The following CDC45 variants were observed in gnomAD, a reference collection of about 807,000 sequenced individuals.
CDC45 encodes the protein cell division cycle 45.
CDC45 carries 54 observed loss-of-function variants against 77.8 expected under a neutral mutation model. The observed-to-expected ratio is 0.69, with a 90% confidence interval of 0.56 to 0.87. The LOEUF is 0.87. CDC45 is among the 40% of genes least tolerant of loss of function. CDC45 has a pLI of 0.00. For missense variants in CDC45, 649 were observed against 721.6 expected (o/e 0.90, Z 1.15); for synonymous variants, 260 against 272.1 (o/e 0.96, Z 0.44).
At position 19,505,468 on chromosome 22, in the gene CDC45, T is replaced by G. The variant is rs1933116255; in HGVS notation, c.811T>G (p.Ser271Ala). The G allele has an allele frequency of 2.5e-6, 4 of 1,614,004 alleles. No homozygotes were observed. Among genetic ancestry groups the G allele is most frequent in the Non-Finnish European group, 3.4e-6 (4 of 1,179,922 alleles). ...ACTCTCCGTGGACTGCACACGGATC[T>G]CCTTTGAGTATGAGTATCCTTGTGG... The part of the protein sequence containing the change: ...NTLSVDCTRI[S>A]FEYDLRLVLY... Residue 271 changes from serine to alanine, a missense_variant, in exon 10 of 19, where the codon TCC becomes GCC. By Grantham distance (99) the Ser-to-Ala change is moderately conservative. Transcript: ENST00000263201.
At position 19,505,574 on chromosome 22, in the gene CDC45, C is replaced by A. The variant is rs1414176922; in HGVS notation, c.824+93C>A. ...CACCCTCTGTGGGTTCTGGCCACATCCCCAGGAGGGAAAGCAGGTGGGGCA... is the reference window on the plus strand; with the variant it reads ...CACCCTCTGTGGGTTCTGGCCACATACCCAGGAGGGAAAGCAGGTGGGGCA... On this transcript the variant is annotated intron_variant, in intron 10 of 18. Coordinates refer to ENST00000263201, the MANE Select transcript of CDC45 (RefSeq NM_003504.5). 1.2e-5 allele frequency: 17 copies of A among 1,414,762 alleles called. No homozygotes were observed. The East Asian group carries it at 3.4e-4, about 29-fold the overall frequency. 87.6% of individuals were successfully genotyped at this position (1,414,762 alleles called of 1,614,324 possible).
Position 19,483,975 on chromosome 22 carries a change from G to T in CDC45, c.456G>T (p.Glu152Asp). ...CAGGAAATGACAGTGATGGGTCAGA[G>T]CCTTCTGAGAAGCGCACACGGTTAG... is the stretch of plus-strand genomic sequence containing the variant. ...EHSGNDSDGSEPSEKRTRLEE... is the reference protein window; with the variant it reads ...EHSGNDSDGSDPSEKRTRLEE... The change falls in exon 5 of 19, where the codon GAG becomes GAT. Residue 152 changes from glutamate (E) to aspartate (D), a missense_variant. Coordinates refer to ENST00000263201, the MANE Select transcript of CDC45 (RefSeq NM_003504.5). The T allele has an allele frequency of 6.2e-7, 1 of 1,611,544 alleles. No homozygotes were observed. The highest frequency in any genetic ancestry group is 1.1e-5 in the South Asian group (1 of 90,474).
At chr22:19,493,147 A>T (rs1368535603) in intron 5 of CDC45, among the ~76,000 whole-genome samples, 6 of 151,750 alleles carry the variant, frequency 4.0e-5, no homozygotes, top group Non-Finnish European at 8.8e-5. Context: ...GCTAGAGTAG[A>T]TGGGCTACTG....
intron 3 of CDC45, among the ~76,000 whole-genome samples, chr22:19,482,247 G>A (rs1338562129): frequency 6.6e-6 from 1 of 152,256 alleles, no homozygotes; most frequent in Admixed American, 6.5e-5. Flanking sequence ...TATAAGGAAA[G>A]AAAGTGCTAT....
In CDC45 at chr22:19,483,921, C is replaced by T. The variant is rs764249763; in HGVS notation, c.402C>T (p.Phe134=). ...AAGTTCCCGCCTATGAAGACATCTT[C>T]AGGGATGAAGAGGAGGATGAAGAGC... is the stretch of plus-strand genomic sequence containing the variant. The part of the protein sequence containing the change: ...DLEVPAYEDI[F]RDEEEDEEHS... The change falls in exon 5 of 19, where the codon TTC becomes TTT. Residue 134 remains phenylalanine, a synonymous_variant. Transcript: ENST00000263201. 4 of 1,613,556 alleles carry T rather than the reference C, an allele frequency of 2.5e-6. No individual in the cohort carries two copies. The highest frequency in any genetic ancestry group is 2.7e-5 in the African/African-American group (2 of 74,884).
chr22:19,481,542 C>G (rs12165623), intron 3 of CDC45, among the ~76,000 whole-genome samples: 3 of 151,780 alleles, frequency 2.0e-5, no homozygotes, highest in African/African-American at 7.3e-5. Context: ...CCACACCTGG[C>G]TAATGTTTTT....
chr22:19,505,156 G>C, intron 9 of CDC45: 1 of 592,244 alleles, frequency 1.7e-6, no homozygotes, highest in Non-Finnish European at 3.0e-6. Flanking sequence ...CAAGGCTAGA[G>C]ACCACACCCC....
intron 5 of CDC45, among the ~76,000 whole-genome samples, chr22:19,490,663 C>G (rs1164132956): frequency 2.6e-5 from 4 of 151,624 alleles, no homozygotes; most frequent in African/African-American, 9.7e-5. Flanking sequence ...GCCACTGCGT[C>G]CAGCCTGTTT....
chr22:19,517,819 TA>T (rs989520624), intron 17 of CDC45, among the ~76,000 whole-genome samples: 6 of 152,186 alleles, frequency 3.9e-5, no homozygotes, highest in Admixed American at 3.9e-4. Flanking sequence ...TTAATTACCA[TA>T]GTCACATTCT....
intron 9 of CDC45, among the ~76,000 whole-genome samples, chr22:19,502,563 G>A (rs1334493494): frequency 6.6e-6 from 1 of 152,166 alleles, no homozygotes; most frequent in Non-Finnish European, 1.5e-5. Context: ...TGAGACAGCA[G>A]TACAAACTCA....
intron 5 of CDC45, among the ~76,000 whole-genome samples, chr22:19,487,292 CA>C (rs754969437): frequency 0.093 from 5,546 of 59,552 alleles, 109 homozygotes; most frequent in South Asian, 0.23. Flanking sequence ...ACTCTTGTCT[CA>C]AAAAAAAAAA....
At chr22:19,491,377 G>C (rs752301144) in intron 5 of CDC45, among the ~76,000 whole-genome samples, 33 of 150,432 alleles carry the variant, frequency 2.2e-4, no homozygotes, top group South Asian at 8.4e-4. Flanking sequence ...CCGTTCCTTT[G>C]GGGGAGAGCT....
In CDC45 at chr22:19,516,559, G is replaced by GGGGATGGCTGCCCCCC; in HGVS notation, c.1474_1475insGGATGGCTGCCCCCCG (p.Val492GlyfsTer41). On this transcript the variant is annotated frameshift_variant, in exon 16 of 19. Transcript: ENST00000263201. LOFTEE classifies it high-confidence loss of function. ...ACCGGCGCTGCAAACTGCTGCCCCT[G>GGGGATGGCTGCCCCCC]GTGATGGCTGCCCCCCTGAGCATGG... 1.2e-6 allele frequency: 2 copies of GGGGATGGCTGCCCCCC among 1,614,050 alleles called. No individual in the cohort carries two copies. Among genetic ancestry groups the GGGGATGGCTGCCCCCC allele is most frequent in the Non-Finnish European group, 1.7e-6 (2 of 1,179,984 alleles).
chr22:19,499,711 G>A (rs1374499897), intron 9 of CDC45, among the ~76,000 whole-genome samples: 1 of 152,232 alleles, frequency 6.6e-6, no homozygotes, highest in Admixed American at 6.5e-5. Flanking sequence ...GCTGCAGGGC[G>A]AAGTGGGGGT....
At position 19,497,442 on chromosome 22, in the gene CDC45, G is replaced by T. The variant is rs369750497; in HGVS notation, c.648G>T (p.Met216Ile). ...AWMLSKDLNDMLWWAIVGLTD... is the reference protein window; with the variant it reads ...AWMLSKDLNDILWWAIVGLTD... ...TGCTGTCCAAGGACCTGAATGACATGCTGTGGTACGTAGCCCCTGCGGCAG... is the reference window on the plus strand; with the variant it reads ...TGCTGTCCAAGGACCTGAATGACATTCTGTGGTACGTAGCCCCTGCGGCAG... Residue 216 changes from methionine to isoleucine, a missense_variant, in exon 8 of 19, where the codon ATG becomes ATT. Physicochemically the swap from Met to Ile is conservative, Grantham distance 10 (BLOSUM62 1). Coordinates refer to ENST00000263201, the MANE Select transcript of CDC45 (RefSeq NM_003504.5). 6 of 1,613,784 alleles carry T rather than the reference G, an allele frequency of 3.7e-6. No individual in the cohort carries two copies. The African/African-American group carries it at 8.0e-5, about 22-fold the overall frequency.
intron 15 of CDC45, among the ~76,000 whole-genome samples, chr22:19,515,797 C>T (rs1043729761): frequency 3.3e-5 from 5 of 152,184 alleles, no homozygotes; most frequent in African/African-American, 1.2e-4. Flanking sequence ...GATGATCTGA[C>T]CTGATCCTCA....
chr22:19,495,911 A>G (rs2090233835), intron 6 of CDC45, 70 bp from the exon 7 acceptor site: 2 of 1,026,698 alleles, frequency 1.9e-6, no homozygotes, highest in Non-Finnish European at 3.1e-6. Flanking sequence ...CAAGTTTAGC[A>G]TTTTTCCAAA....
Position 19,482,727 on chromosome 22 carries a change from T to G in CDC45, c.242T>G (p.Val81Gly). The G allele has an allele frequency of 6.2e-7, 1 of 1,612,666 alleles. No homozygotes were observed. Among genetic ancestry groups the G allele is most frequent in the East Asian group, 2.2e-5 (1 of 44,876 alleles). ...ATTCTCATAAACTGTGGAGCTAATGTAGACCTATTGGATATTCTTCAACCT... is the reference window on the plus strand; with the variant it reads ...ATTCTCATAAACTGTGGAGCTAATGGAGACCTATTGGATATTCTTCAACCT... ...YFILINCGAN[V>G]DLLDILQPDE... The change falls in exon 4 of 19, where the codon GTA becomes GGA. Residue 81 changes from valine (V) to glycine (G), a missense_variant. Physicochemically the swap from Val to Gly is moderately radical, Grantham distance 109. Coordinates refer to ENST00000263201, the MANE Select transcript of CDC45 (RefSeq NM_003504.5).
At chr22:19,479,473 C>G (rs1248956891), upstream of CDC45, 3 of 628,712 alleles carry the variant, frequency 4.8e-6, no homozygotes, top group African/African-American at 5.5e-5. Flanking sequence ...CCCAGACTGC[C>G]TCTGCTTCAG....
Sources: gnomAD v4.1 joint callset for allele counts (sites outside exome capture counted in the v4.1 genomes callset) on GRCh38, gnomAD v4.1.1 for gene constraint, MANE v1.5 for transcripts, NCBI Gene and HGNC (gene_info 2026-07-23, HGNC 2026-07-21) for gene names.